Variants in TNR observed in about 807,000 individuals in gnomAD.
The protein encoded by TNR is tenascin R.
TNR carries 45 observed loss-of-function variants against 150.4 expected under a neutral mutation model. That is an observed-to-expected ratio of 0.30 (90% CI 0.24 to 0.38). The LOEUF (loss-of-function observed/expected upper bound fraction) is 0.38. TNR is among the 10% of genes least tolerant of loss of function. TNR has a pLI of 1.00. For synonymous variants in TNR, 687 were observed against 678.4 expected (o/e 1.01, Z -0.20); for missense variants, 1,544 against 1,759.1 (o/e 0.88, Z 2.19).
intron 1 of TNR, among the ~76,000 whole-genome samples, chr1:175,643,761 C>A (rs1664732707): frequency 1.3e-5 from 2 of 152,120 alleles, no homozygotes; most frequent in Non-Finnish European, 2.9e-5. Flanking sequence ...CTCATAATAT[C>A]TATTCAATAT....
intron 18 of TNR, among the ~76,000 whole-genome samples, chr1:175,353,234 A>G (rs1348684504): frequency 6.6e-6 from 1 of 152,238 alleles, no homozygotes; most frequent in Non-Finnish European, 1.5e-5. Flanking sequence ...CTTAAGAGCT[A>G]TGGGATCTTG....
chr1:175,414,036 G>A (rs1017590027), intron 2 of TNR, among the ~76,000 whole-genome samples: 1 of 152,146 alleles, frequency 6.6e-6, no homozygotes, highest in Non-Finnish European at 1.5e-5. Flanking sequence ...GGGAGGCTGA[G>A]GTGGGAAGGT....
At chr1:175,597,731 C>T (rs920080187) in intron 1 of TNR, among the ~76,000 whole-genome samples, 10 of 152,082 alleles carry the variant, frequency 6.6e-5, no homozygotes, top group Admixed American at 1.3e-4. Context: ...GTTAGCTGGA[C>T]CAGTCATGTA....
intron 1 of TNR, among the ~76,000 whole-genome samples, chr1:175,695,262 G>T (rs1347535411): frequency 1.3e-5 from 2 of 152,216 alleles, no homozygotes; most frequent in African/African-American, 4.8e-5. Context: ...GAGTCCACAT[G>T]GTGAGGACTG....
At chr1:175,562,168 C>T (rs564865303) in intron 1 of TNR, among the ~76,000 whole-genome samples, 51 of 152,274 alleles carry the variant, frequency 3.3e-4, no homozygotes, top group African/African-American at 1.2e-3. Flanking sequence ...TTCTCCTTTC[C>T]TATAAGCTAT....
chr1:175,637,499 GA>G (rs1357385884), intron 1 of TNR, among the ~76,000 whole-genome samples: 11 of 152,142 alleles, frequency 7.2e-5, no homozygotes, highest in Non-Finnish European at 1.6e-4. Flanking sequence ...GTTGAGGGGA[GA>G]TAGGACTGAT....
intron 18 of TNR, among the ~76,000 whole-genome samples, chr1:175,346,900 A>G (rs1320756919): frequency 6.6e-6 from 1 of 151,628 alleles, no homozygotes; most frequent in African/African-American, 2.4e-5. Flanking sequence ...AAAAAAAAAA[A>G]AAGAAGCAAA....
At chr1:175,362,270 C>T (rs906212488) in intron 14 of TNR, among the ~76,000 whole-genome samples, 3 of 152,216 alleles carry the variant, frequency 2.0e-5, no homozygotes, top group African/African-American at 7.2e-5. Flanking sequence ...TGATGAATTT[C>T]ATGACCCCAT....
At chr1:175,373,909 C>T (rs1045897913) in intron 9 of TNR, among the ~76,000 whole-genome samples, 2 of 152,194 alleles carry the variant, frequency 1.3e-5, no homozygotes, top group East Asian at 1.9e-4. Context: ...CAACTTGGGT[C>T]TCTGCAGCCC....
At chr1:175,513,118 T>C (rs1659257989) in intron 2 of TNR, among the ~76,000 whole-genome samples, 1 of 152,116 alleles carries the variant, frequency 6.6e-6, no homozygotes, top group Non-Finnish European at 1.5e-5. Context: ...GGTTGCCAGG[T>C]TTTAAATTGG....
rs1655172797 is a variant in TNR at position 175,429,666 on chromosome 1, T to C, written c.-63-22889A>G. Among the ~76,000 whole-genome samples, 5 of 152,170 alleles carry C rather than the reference T, an allele frequency of 3.3e-5. No individual in the cohort carries two copies. In the South Asian group the frequency reaches 1.0e-3, roughly 32 times the overall value. On this transcript the variant is annotated intron_variant, in intron 2 of 22. Coordinates refer to ENST00000367674, the MANE Select transcript of TNR (RefSeq NM_003285.3). ...AGATTAATATTACATGAAACACTCT[T>C]TGTAAAGTGCTTCCCAAGGATGTAG...
At chr1:175,494,967 T>C (rs1439224996) in intron 2 of TNR, among the ~76,000 whole-genome samples, 1 of 152,228 alleles carries the variant, frequency 6.6e-6, no homozygotes, top group Admixed American at 6.5e-5. Flanking sequence ...CATGGTCCTC[T>C]AGGTGAGACC....
chr1:175,568,219 C>A (rs1054847794), intron 1 of TNR, among the ~76,000 whole-genome samples: 2 of 152,162 alleles, frequency 1.3e-5, no homozygotes, highest in Non-Finnish European at 2.9e-5. Flanking sequence ...ATACTATCAC[C>A]CTCATATAGT....
chr1:175,556,412 C>T (rs1360653252), intron 1 of TNR, among the ~76,000 whole-genome samples: 1 of 152,228 alleles, frequency 6.6e-6, no homozygotes, highest in East Asian at 1.9e-4. Flanking sequence ...ATGCATCTTT[C>T]ATCTTTTTCT....
intron 1 of TNR, among the ~76,000 whole-genome samples, chr1:175,690,026 G>C (rs1420897697): frequency 6.6e-6 from 1 of 152,196 alleles, no homozygotes; most frequent in Non-Finnish European, 1.5e-5. Context: ...AAATGGATAA[G>C]TCAAGGCTCA....
At chr1:175,641,873 C>T (rs533502362) in intron 1 of TNR, among the ~76,000 whole-genome samples, 11 of 152,120 alleles carry the variant, frequency 7.2e-5, no homozygotes, top group Non-Finnish European at 1.6e-4. Flanking sequence ...TCTATCAGTA[C>T]AGGAAGAAAA....
intron 1 of TNR, among the ~76,000 whole-genome samples, chr1:175,648,629 C>T (rs1403832875): frequency 1.3e-5 from 2 of 152,178 alleles, no homozygotes; most frequent in Non-Finnish European, 1.5e-5. Context: ...CTTGCCTGTT[C>T]GGCTTTCCTT....
chr1:175,476,594 A>G (rs1364924727), intron 2 of TNR, among the ~76,000 whole-genome samples: 2 of 152,284 alleles, frequency 1.3e-5, no homozygotes, highest in Admixed American at 6.5e-5. Context: ...AATAATTCAC[A>G]TTCCACACTT....
chr1:175,466,888 G>A (rs1049509737), intron 2 of TNR, among the ~76,000 whole-genome samples: 1 of 152,122 alleles, frequency 6.6e-6, no homozygotes, highest in East Asian at 1.9e-4. Context: ...AAGCCACCAA[G>A]CTCCACATCT....
Sources: allele counts gnomAD v4.1 joint callset (sites outside exome capture counted in the v4.1 genomes callset), GRCh38; gene constraint gnomAD v4.1.1; transcripts MANE v1.5; gene names NCBI Gene and HGNC (gene_info 2026-07-23, HGNC 2026-07-21).